The following NCOA3 variants were observed in gnomAD, a reference collection of about 807,000 sequenced individuals.
NCOA3 encodes the protein CBP-interacting protein.
A neutral mutation model predicts 158.8 loss-of-function variants in NCOA3; 51 were observed. That is an observed-to-expected ratio of 0.32 (90% CI 0.26 to 0.41). The LOEUF (loss-of-function observed/expected upper bound fraction) is 0.41. Ranked by LOEUF, NCOA3 falls within the 10% of genes least tolerant of loss-of-function variation. The pLI, the probability that NCOA3 is intolerant of heterozygous loss-of-function variation, is 1.00. For missense variants in NCOA3, 1,510 were observed against 1,746.6 expected, an observed-to-expected ratio of 0.86 and a Z score of 2.41; for synonymous variants, 537 against 592.4, an observed-to-expected ratio of 0.91 and a Z score of 1.36.
chr20:47,553,641 A>G (rs1030871269), intron 1 of NCOA3, among the ~76,000 whole-genome samples: 1 of 147,670 alleles, frequency 6.8e-6, no homozygotes, highest in African/African-American at 2.5e-5. Context: ...GAGTGAGAAC[A>G]TGCGGTGTTT....
At chr20:47,622,186 A>AT in intron 2 of NCOA3, 43 bp from the exon 3 acceptor site, 1 of 1,091,974 alleles carries the variant, frequency 9.2e-7, no homozygotes, top group Non-Finnish European at 1.4e-6. Flanking sequence ...AGTCATGTAT[A>AT]TTTTTTAATG....
At chr20:47,511,524 G>GAT (rs34123990) in intron 1 of NCOA3, among the ~76,000 whole-genome samples, 337 of 22,004 alleles carry the variant, frequency 0.015, 8 homozygotes, top group African/African-American at 0.028. Flanking sequence ...TCTCTCTCGA[G>GAT]ATATATATAT....
At chr20:47,600,364 C>T (rs987407228) in intron 2 of NCOA3, among the ~76,000 whole-genome samples, 14 of 151,452 alleles carry the variant, frequency 9.2e-5, no homozygotes, top group African/African-American at 3.2e-4. Context: ...TTAGTAGAGA[C>T]AGGATTTCAT....
intron 1 of NCOA3, among the ~76,000 whole-genome samples, chr20:47,517,187 C>T (rs2084247673): frequency 6.6e-6 from 1 of 152,174 alleles, no homozygotes; most frequent in Non-Finnish European, 1.5e-5. Flanking sequence ...CACTGCACTC[C>T]AGCCTGGGTG....
intron 2 of NCOA3, among the ~76,000 whole-genome samples, chr20:47,583,503 A>C (rs1355351187): frequency 6.6e-6 from 1 of 152,210 alleles, no homozygotes; most frequent in Non-Finnish European, 1.5e-5. Flanking sequence ...AAAAATGTGC[A>C]GAACTTTCGA....
At chr20:47,643,402 C>T (rs2086641511) in intron 17 of NCOA3, among the ~76,000 whole-genome samples, 1 of 152,246 alleles carries the variant, frequency 6.6e-6, no homozygotes, top group Non-Finnish European at 1.5e-5. Flanking sequence ...TCCTTGTGTA[C>T]ACCTTCAGGG....
At chr20:47,517,451 C>CTTTTTTTTTTTTTTTTTTTT (rs376699406) in intron 1 of NCOA3, among the ~76,000 whole-genome samples, 1 of 129,280 alleles carries the variant, frequency 7.7e-6, no homozygotes. Flanking sequence ...TTTTCTTTTT[C>CTTTTTTTTTTTTTTTTTTTT]TTTTTTTTTT....
chr20:47,649,222 TTGTG>T, intron 19 of NCOA3, 113 bp downstream of exon 19: 1 of 556,034 alleles, frequency 1.8e-6, no homozygotes, highest in Non-Finnish European at 3.0e-6. Context: ...TCTGAATTTC[TTGTG>T]TAAGAAAGCA....
intron 2 of NCOA3, among the ~76,000 whole-genome samples, chr20:47,593,807 A>G (rs1466368522): frequency 1.3e-5 from 2 of 152,202 alleles, no homozygotes; most frequent in Non-Finnish European, 2.9e-5. Context: ...TAGTTTCTAA[A>G]GTTCTGTTAG....
chr20:47,538,251 C>T (rs1181853625), intron 1 of NCOA3, among the ~76,000 whole-genome samples: 3 of 152,156 alleles, frequency 2.0e-5, no homozygotes, highest in Non-Finnish European at 2.9e-5. Context: ...TTTAGATGAT[C>T]TTTAGTTGAC....
At chr20:47,568,883 T>TC (rs2085245134) in intron 1 of NCOA3, among the ~76,000 whole-genome samples, 1 of 152,200 alleles carries the variant, frequency 6.6e-6, no homozygotes, top group African/African-American at 2.4e-5. Context: ...AGGTCTTGCC[T>TC]CAGTATTGAT....
At chr20:47,548,966 T>G (rs2084883658) in intron 1 of NCOA3, among the ~76,000 whole-genome samples, 3 of 152,224 alleles carry the variant, frequency 2.0e-5, no homozygotes, top group Non-Finnish European at 4.4e-5. Flanking sequence ...TGAGAACATT[T>G]GTTAAATTAG....
chr20:47,511,533 A>ATG (rs2084132574), intron 1 of NCOA3, among the ~76,000 whole-genome samples: 1 of 27,442 alleles, frequency 3.6e-5, no homozygotes, highest in East Asian at 1.7e-3. Context: ...AGATATATAT[A>ATG]TATATATATA....
chr20:47,650,242 T>C (rs2086759997), intron 19 of NCOA3, among the ~76,000 whole-genome samples: 1 of 151,420 alleles, frequency 6.6e-6, no homozygotes, highest in Non-Finnish European at 1.5e-5. Context: ...CTCCCTCCCC[T>C]TGCAATAGCC....
At chr20:47,600,444 G>T (rs1475717352) in intron 2 of NCOA3, among the ~76,000 whole-genome samples, 10 of 151,882 alleles carry the variant, frequency 6.6e-5, no homozygotes, top group Non-Finnish European at 1.2e-4. Context: ...CCAAAGTGGT[G>T]GGATTTCAGG....
chr20:47,552,231 G>A (rs1167507977), intron 1 of NCOA3, among the ~76,000 whole-genome samples: 2 of 152,164 alleles, frequency 1.3e-5, no homozygotes, highest in Non-Finnish European at 2.9e-5. Flanking sequence ...TTGATGAACT[G>A]TATGTTTTTG....
intron 1 of NCOA3, among the ~76,000 whole-genome samples, chr20:47,554,595 C>T (rs1044576310): frequency 6.9e-6 from 1 of 145,450 alleles, no homozygotes; most frequent in African/African-American, 2.7e-5. Flanking sequence ...CATGAGTGAA[C>T]TCCCATTCAT....
intron 1 of NCOA3, among the ~76,000 whole-genome samples, chr20:47,511,542 T>TAC (rs1556556419): frequency 5.4e-4 from 12 of 22,420 alleles, no homozygotes; most frequent in African/African-American, 8.2e-4. Flanking sequence ...TATATATATA[T>TAC]ATATATATAT....
intron 13 of NCOA3, among the ~76,000 whole-genome samples, chr20:47,638,208 T>C (rs896382044): frequency 6.6e-6 from 1 of 152,250 alleles, no homozygotes; most frequent in Admixed American, 6.5e-5. Flanking sequence ...TTGCTGGTTC[T>C]TATCTAGCCC....
Sources: allele counts gnomAD v4.1 joint callset (sites outside exome capture counted in the v4.1 genomes callset), GRCh38; gene constraint gnomAD v4.1.1; transcripts MANE v1.5; gene names NCBI Gene and HGNC (gene_info 2026-07-23, HGNC 2026-07-21).